MYH11: variants seen among roughly 807,000 people sequenced by gnomAD.
The protein encoded by MYH11 is myosin heavy chain 11, also known as myosin-11.
A neutral mutation model predicts 246.6 loss-of-function variants in MYH11; 80 were observed. The observed-to-expected ratio is 0.32, with a 90% CI of 0.27 to 0.39. The LOEUF (loss-of-function observed/expected upper bound fraction) is 0.39. Among genes scored for constraint, MYH11 ranks in the 10% least tolerant of loss-of-function variants. MYH11 has a pLI of 1.00. For synonymous variants in MYH11, 1,071 were observed against 1,015.5 expected (o/e 1.05, Z -1.04); for missense variants, 2,158 against 2,546.8 (o/e 0.85, Z 3.29).
At chr16:15,726,669 G>A (rs1282645412) in intron 28 of MYH11, 179 bp downstream of exon 28, 1 of 767,128 alleles carries the variant, frequency 1.3e-6, no homozygotes, top group African/African-American at 1.7e-5. Flanking sequence ...TGCCTGGCCA[G>A]AAGGTTTTTT....
intron 10 of MYH11, among the ~76,000 whole-genome samples, chr16:15,761,945 G>A (rs7185961): frequency 0.061 from 9,269 of 152,206 alleles, 971 homozygotes; most frequent in African/African-American, 0.21. Context: ...GGTGTAAGCC[G>A]AATTAACTTG....
intron 3 of MYH11, among the ~76,000 whole-genome samples, chr16:15,810,464 A>G (rs528254985): frequency 1.1e-4 from 16 of 152,206 alleles, no homozygotes; most frequent in Non-Finnish European, 2.1e-4. Flanking sequence ...CAGAGCACCA[A>G]ACAGACACTC....
At chr16:15,824,550 G>A (rs1290161253) in intron 2 of MYH11, among the ~76,000 whole-genome samples, 1 of 152,166 alleles carries the variant, frequency 6.6e-6, no homozygotes, top group Non-Finnish European at 1.5e-5. Flanking sequence ...CAAAGTGCTG[G>A]GATTACAGGT....
chr16:15,747,271 C>G (rs1456989746), intron 19 of MYH11, among the ~76,000 whole-genome samples: 1 of 152,152 alleles, frequency 6.6e-6, no homozygotes, highest in Non-Finnish European at 1.5e-5. Flanking sequence ...AATGATTATG[C>G]TCAGTTTCCA....
chr16:15,758,798 T>TAA (rs201338555), intron 12 of MYH11, among the ~76,000 whole-genome samples: 3 of 134,224 alleles, frequency 2.2e-5, no homozygotes, highest in African/African-American at 5.5e-5. Flanking sequence ...AGACTCTGTC[T>TAA]AAAAAAAAAA....
intron 8 of MYH11, among the ~76,000 whole-genome samples, chr16:15,773,198 T>C (rs1463147184): frequency 2.0e-5 from 3 of 151,970 alleles, no homozygotes; most frequent in African/African-American, 7.3e-5. Context: ...AGGCGATTTC[T>C]GGATATGTCA....
chr16:15,802,572 C>T (rs1225245744), intron 3 of MYH11, among the ~76,000 whole-genome samples: 2 of 152,182 alleles, frequency 1.3e-5, no homozygotes, highest in African/African-American at 2.4e-5. Context: ...CTTCGGCCTC[C>T]CCTGTAGCTG....
intron 40 of MYH11, among the ~76,000 whole-genome samples, chr16:15,710,800 C>G (rs1475894990): frequency 1.3e-5 from 2 of 152,040 alleles, no homozygotes; most frequent in African/African-American, 4.8e-5. Flanking sequence ...GTCTCAGCCT[C>G]ACGAGTAGCT....
chr16:15,771,636 A>T lies in MYH11; in HGVS notation c.966T>A (p.Asp322Glu). The part of the protein sequence containing the change: ...NGFVPIPAAQ[D>E]DEMFQETVEA... ...CCACGGTTTCCTGGAACATCTCATC[A>T]TCCTGGGCTGCTGGGATGGGCACAA... is the stretch of plus-strand genomic sequence containing the variant. The change falls in exon 9 of 41, where the codon GAT becomes GAA. Residue 322 changes from aspartate to glutamate, a missense_variant. By Grantham distance (45) the Asp-to-Glu change is conservative. Transcript: ENST00000300036. 1 of 1,613,992 alleles carries T rather than the reference A, an allele frequency of 6.2e-7. No individual in the cohort carries two copies.
chr16:15,813,384 T>A (rs1197604582), intron 3 of MYH11, among the ~76,000 whole-genome samples: 1 of 152,112 alleles, frequency 6.6e-6, no homozygotes, highest in Non-Finnish European at 1.5e-5. Context: ...TTTGTCAGCC[T>A]TCTTTACTTT....
intron 1 of MYH11, among the ~76,000 whole-genome samples, chr16:15,842,926 T>C (rs1040008931): frequency 6.6e-6 from 1 of 152,138 alleles, no homozygotes; most frequent in Non-Finnish European, 1.5e-5. Flanking sequence ...AAAATTGTTA[T>C]TGAATTTGGC....
At chr16:15,753,932 G>A (rs748099957) in intron 14 of MYH11, among the ~76,000 whole-genome samples, 10 of 151,938 alleles carry the variant, frequency 6.6e-5, no homozygotes, top group East Asian at 1.9e-4. Context: ...GCAGCCAAGC[G>A]TGGTGGTTCA....
chr16:15,756,793 C>CTT (rs60486632), intron 13 of MYH11, among the ~76,000 whole-genome samples: 93 of 84,528 alleles, frequency 1.1e-3, no homozygotes, highest in African/African-American at 2.9e-3. Context: ...GTTCATAACT[C>CTT]TTTTTTTTTT....
At chr16:15,718,867 C>T (rs753727101) in intron 36 of MYH11, 127 of 413,904 alleles carry the variant, frequency 3.1e-4, no homozygotes, top group Middle Eastern at 7.6e-4. Flanking sequence ...GTGGCTCACA[C>T]CTGTAATCAC....
chr16:15,796,734 T>C (rs1297804208), intron 4 of MYH11, among the ~76,000 whole-genome samples: 1 of 152,020 alleles, frequency 6.6e-6, no homozygotes, highest in Non-Finnish European at 1.5e-5. Context: ...CTGGGCCTTA[T>C]AAGAGAGAGG....
At chr16:15,801,220 T>A (rs11860645) in intron 3 of MYH11, among the ~76,000 whole-genome samples, 4,851 of 151,912 alleles carry the variant, frequency 0.032, 263 homozygotes, top group African/African-American at 0.11. Context: ...ACAAATAAGA[T>A]ATAAATACAT....
In MYH11 at chr16:15,721,532, G is replaced by T. The variant is rs1052648046; in HGVS notation, c.4468C>A (p.Arg1490=). Residue 1490 remains arginine (R), a synonymous_variant, in exon 32 of 41, where the codon CGG becomes AGG. Transcript: ENST00000300036. ...GCTTCCAAGGCCTCTTCAAGGGCCC[G>T]AGCCAGGGACAGGGCCTTGGTTTCC... ...EKETKALSLA[R]ALEEALEAKE... is the part of the protein sequence containing the mutation. The T allele has an allele frequency of 6.2e-7, 1 of 1,614,068 alleles. No individual in the cohort carries two copies. The highest frequency in any genetic ancestry group is 1.3e-5 in the African/African-American group (1 of 74,920).
At position 15,717,267 on chromosome 16, in the gene MYH11, G is replaced by C. The variant is rs2040208172; in HGVS notation, c.5377C>G (p.Gln1793Glu). ...AGCTTGCTCCGGAGCTCCTTGTTCT[G>C]CCGCTCGAGCTGCTGCCGGGCACTC... ...NESARQQLER[Q>E]NKELRSKLHE... The change falls in exon 38 of 41, where the codon CAG (glutamine) becomes GAG (glutamate). Residue 1793 changes from glutamine (Q) to glutamate (E), a missense_variant. Coordinates refer to ENST00000300036, the MANE Select transcript of MYH11 (RefSeq NM_002474.3). The C allele has an allele frequency of 6.2e-7, 1 of 1,613,842 alleles. No homozygotes were observed. Among genetic ancestry groups the C allele is most frequent in the Non-Finnish European group, 8.5e-7 (1 of 1,180,046 alleles).
chr16:15,738,623 C>G lies in MYH11; in HGVS notation c.3063G>C (p.Lys1021Asn). 1 of 1,614,086 alleles carries G rather than the reference C, an allele frequency of 6.2e-7. No homozygotes were observed. Among genetic ancestry groups the G allele is most frequent in the South Asian group, 1.1e-5 (1 of 91,056 alleles). ...LTTNLAEEEE[K>N]AKNLTKLKNK... Reference sequence around the variant, plus strand: ...TTTTCAGCTTGGTAAGATTCTTGGCCTTTTCTTCCTCTTCTGCAAGATTTG... The same window carrying G: ...TTTTCAGCTTGGTAAGATTCTTGGCGTTTTCTTCCTCTTCTGCAAGATTTG... Residue 1021 changes from lysine to asparagine, a missense_variant, in exon 24 of 41, where the codon AAG becomes AAC. Transcript: ENST00000300036.
Sources: gnomAD v4.1 joint callset for allele counts (sites outside exome capture counted in the v4.1 genomes callset) on GRCh38, gnomAD v4.1.1 for gene constraint, MANE v1.5 for transcripts, NCBI Gene and HGNC (gene_info 2026-07-23, HGNC 2026-07-21) for gene names.